Variants in NDUFA10 observed in about 807,000 individuals in gnomAD.
NDUFA10 encodes the protein NADH dehydrogenase [ubiquinone] 1 alpha subcomplex subunit 10, mitochondrial.
Under a neutral mutation model 47.8 loss-of-function variants are expected in NDUFA10, and 40 were observed. The ratio of observed to expected loss-of-function variants is 0.84; its 90% CI spans 0.65 to 1.09. The LOEUF (loss-of-function observed/expected upper bound fraction) is 1.09. NDUFA10 is among the 50% of genes least tolerant of loss of function. The probability of loss-of-function intolerance (pLI) is 0.00; values close to 1 mark genes in which losing one functional copy is unlikely to be tolerated. For synonymous variants in NDUFA10, 183 were observed against 172.2 expected (o/e 1.06, Z -0.49); for missense variants, 413 against 451.1 (o/e 0.92, Z 0.76).
intron 4 of NDUFA10, among the ~76,000 whole-genome samples, chr2:239,895,690 C>T (rs545395487): frequency 1.7e-4 from 26 of 152,302 alleles, no homozygotes; most frequent in African/African-American, 6.3e-4. Flanking sequence ...AATATAAAAG[C>T]ATTAGATCCC....
chr2:239,979,299 G>A (rs945706837), intron 9 of NDUFA10, among the ~76,000 whole-genome samples: 4 of 145,668 alleles, frequency 2.7e-5, no homozygotes, highest in African/African-American at 1.0e-4. Flanking sequence ...TCTCTATTGT[G>A]CTTTATAGTT....
rs1209330426 is a variant in NDUFA10, at chr2:239,911,668, A to AGTGT, written c.295-16355_295-16354insACAC. On this transcript the variant is annotated intron_variant, in intron 4 of 5. Coordinates refer to the NDUFA10 transcript ENST00000419408. ...CCCAGCCCAGACACCAAAACATGAG[A>AGTGT]GAGTGTGTGTGCGTGTGTGTGTGTG... is the stretch of plus-strand genomic sequence containing the variant. Among the ~76,000 whole-genome samples the AGTGT allele has an allele frequency of 1.4e-3, 109 of 79,282 alleles. 1 individual carries two copies. Among genetic ancestry groups the AGTGT allele is most frequent in the South Asian group, 8.2e-3 (21 of 2,548 alleles). The allele number at this position is 79,282 out of a possible 152,430, so 52.0% of individuals were successfully genotyped here. A position where few individuals can be genotyped will look rare whatever the true frequency, so the allele number is the denominator to read the frequency against.
intron 4 of NDUFA10, among the ~76,000 whole-genome samples, chr2:240,017,420 T>A (rs988714846): frequency 3.3e-5 from 5 of 152,204 alleles, no homozygotes; most frequent in African/African-American, 1.2e-4. Flanking sequence ...AAAACAGCTG[T>A]CCCTGACACT....
At chr2:239,892,892 G>A (rs144037675) in intron 5 of NDUFA10, among the ~76,000 whole-genome samples, 1 of 152,330 alleles carries the variant, frequency 6.6e-6, no homozygotes, top group African/African-American at 2.4e-5. Context: ...TGTAGGCAGG[G>A]GGGCAAGGAA....
intron 4 of NDUFA10, among the ~76,000 whole-genome samples, chr2:239,947,733 C>T (rs1012331210): frequency 1.3e-5 from 2 of 152,204 alleles, no homozygotes; most frequent in African/African-American, 4.8e-5. Flanking sequence ...ATGCAACAGG[C>T]CAGCCCAGCT....
intron 4 of NDUFA10, among the ~76,000 whole-genome samples, chr2:239,942,859 G>C (rs1574794862): frequency 2.6e-5 from 4 of 152,322 alleles, no homozygotes. Flanking sequence ...ACCTGGCAAA[G>C]GCTCGTCTTC....
chr2:239,911,150 T>C (rs563895193), intron 4 of NDUFA10, among the ~76,000 whole-genome samples: 244 of 152,350 alleles, frequency 1.6e-3, no homozygotes, highest in African/African-American at 5.7e-3. Context: ...ATGGGTTCTA[T>C]GTGTCCTCCA....
rs959655750 is a variant in NDUFA10 at position 239,958,868 on chromosome 2, G to A, written c.*2250C>T. 1 of 873,202 alleles carries A rather than the reference G, an allele frequency of 1.1e-6. No homozygotes were observed. The highest frequency in any genetic ancestry group is 1.4e-6 in the Non-Finnish European group (1 of 727,730). The allele number at this position is 873,202 out of a possible 1,614,324, so 54.1% of individuals were successfully genotyped here. On this transcript the variant is annotated 3_prime_UTR_variant, in exon 10 of 10. Transcript: ENST00000252711. ...TGCTGCAACAGCATGATTATTTCCT[G>A]ATCTCCAAAGCACTGAGAAGTCCAA...
At chr2:239,983,297 G>C (rs981451210) in intron 9 of NDUFA10, among the ~76,000 whole-genome samples, 1 of 152,100 alleles carries the variant, frequency 6.6e-6, no homozygotes, top group Non-Finnish European at 1.5e-5. Context: ...AACCCAGAGG[G>C]GCTTTGTTCA....
At chr2:239,912,071 C>G (rs1693765342) in intron 4 of NDUFA10, among the ~76,000 whole-genome samples, 1 of 152,136 alleles carries the variant, frequency 6.6e-6, no homozygotes. Context: ...ACCCCTCGTG[C>G]CCACAGAACT....
chr2:239,954,669 G>A (rs1454127179), downstream of NDUFA10, among the ~76,000 whole-genome samples: 1 of 152,214 alleles, frequency 6.6e-6, no homozygotes, highest in Non-Finnish European at 1.5e-5. Context: ...GCAAAGGAGG[G>A]GCTGTTTTAA....
Position 239,937,965 on chromosome 2 carries a change from C to T in NDUFA10, c.295-42651G>A, listed in dbSNP as rs537450617. ...CCACACTGTCACTGGCTGGGGCCAC[C>T]GAGCCATGGTTTAAATCCTTGGAGA... On this transcript the variant is annotated intron_variant, in intron 4 of 5. Coordinates refer to the NDUFA10 transcript ENST00000419408. Among the ~76,000 whole-genome samples the T allele has an allele frequency of 7.2e-5, 11 of 152,316 alleles. No homozygotes were observed. In the South Asian group the frequency reaches 1.9e-3, roughly 26 times the overall value.
intron 4 of NDUFA10, among the ~76,000 whole-genome samples, chr2:239,920,298 T>C (rs1043745893): frequency 7.9e-5 from 12 of 152,218 alleles, no homozygotes; most frequent in African/African-American, 2.9e-4. Context: ...GAGAATGGAA[T>C]GTCCTTTGAG....
In NDUFA10 at chr2:239,943,715, C is replaced by T. The variant is rs374910307; in HGVS notation, c.294+46359G>A. Reference sequence around the variant, plus strand: ...TTGGGAAGCAGGCCTCACTCAGCACCGACCGCCCCTCCTGGCACAGCACTG... The same window carrying T: ...TTGGGAAGCAGGCCTCACTCAGCACTGACCGCCCCTCCTGGCACAGCACTG... On this transcript the variant is annotated intron_variant, in intron 4 of 5. Transcript: ENST00000419408. Among the ~76,000 whole-genome samples, 24 of 152,232 alleles carry T rather than the reference C, an allele frequency of 1.6e-4. No individual in the cohort carries two copies. The South Asian group carries it at 5.0e-3, about 32-fold the overall frequency.
At chr2:240,000,344 C>G (rs553860795) in intron 8 of NDUFA10, among the ~76,000 whole-genome samples, 5 of 152,150 alleles carry the variant, frequency 3.3e-5, no homozygotes, top group Non-Finnish European at 7.3e-5. Context: ...GATACAGATG[C>G]TCCCGACTCC....
intron 5 of NDUFA10, chr2:240,014,263 A>G (rs2106486571): frequency 4.2e-6 from 1 of 236,050 alleles, no homozygotes; most frequent in African/African-American, 2.2e-5. Flanking sequence ...ATGTGTGTGG[A>G]TATCACTGCT....
intron 9 of NDUFA10, among the ~76,000 whole-genome samples, chr2:239,983,114 A>C (rs561631971): frequency 6.6e-6 from 1 of 152,200 alleles, no homozygotes; most frequent in Non-Finnish European, 1.5e-5. Context: ...GTCAGAATGA[A>C]GCTCCCTGAG....
intron 4 of NDUFA10, among the ~76,000 whole-genome samples, chr2:239,914,296 G>C (rs1693802985): frequency 1.4e-5 from 2 of 146,868 alleles, no homozygotes; most frequent in African/African-American, 2.5e-5. Flanking sequence ...TAGACACACA[G>C]AGATACTCAA....
chr2:240,023,736 A>G (rs1264114288), intron 1 of NDUFA10, among the ~76,000 whole-genome samples: 1 of 152,276 alleles, frequency 6.6e-6, no homozygotes, highest in African/African-American at 2.4e-5. Context: ...TGAAATATCA[A>G]GATATTTTTC....
Sources: gnomAD v4.1 joint callset for allele counts (sites outside exome capture counted in the v4.1 genomes callset) on GRCh38, gnomAD v4.1.1 for gene constraint, MANE v1.5 for transcripts, NCBI Gene and HGNC (gene_info 2026-07-23, HGNC 2026-07-21) for gene names.